The following ZKSCAN8 variants were observed in gnomAD, a reference collection of about 807,000 sequenced individuals.
ZKSCAN8 encodes zinc finger protein with KRAB and SCAN domains 8.
In ZKSCAN8, 27 loss-of-function variants were observed where a neutral mutation model predicts 57.2. The observed-to-expected ratio is 0.47, with a 90% confidence interval of 0.35 to 0.65. The LOEUF (loss-of-function observed/expected upper bound fraction) is 0.65, where lower values mean the gene tolerates loss of function less well. ZKSCAN8 is among the 30% of genes least tolerant of loss of function. The pLI is 0.01. For synonymous variants in ZKSCAN8, 214 were observed against 248.7 expected (o/e 0.86, Z 1.31); for missense variants, 597 against 696.3 (o/e 0.86, Z 1.60).
chr6:28,149,310 T>C (rs1306547497), intron 2 of ZKSCAN8, among the ~76,000 whole-genome samples, 173 bp from the exon 3 acceptor site: 1 of 152,202 alleles, frequency 6.6e-6, no homozygotes, highest in Non-Finnish European at 1.5e-5. Context: ...ATGATGCCTT[T>C]CTTTCTGTGC....
intron 5 of ZKSCAN8, 107 bp from the exon 6 acceptor site, chr6:28,152,949 C>G (rs1472087316): frequency 1.4e-6 from 2 of 1,473,158 alleles, no homozygotes; most frequent in Non-Finnish European, 1.8e-6. Flanking sequence ...TTACTTATAG[C>G]TGTTCATGTG....
At chr6:28,143,060 A>G (rs1765269193) in intron 1 of ZKSCAN8, among the ~76,000 whole-genome samples, 1 of 152,232 alleles carries the variant, frequency 6.6e-6, no homozygotes, top group Non-Finnish European at 1.5e-5. Context: ...GGATTACAGT[A>G]TTTAAAATCC....
chr6:28,158,306 A>G lies in ZKSCAN8; in HGVS notation c.*4289A>G, dbSNP rs954838324. On this transcript the variant is annotated 3_prime_UTR_variant, in exon 6 of 6. Transcript: ENST00000330236. ...CTGTCTTTTATTCACTTCATTTTCTATACTCCTATTTATCCATTTTGATTG... is the reference window on the plus strand; with the variant it reads ...CTGTCTTTTATTCACTTCATTTTCTGTACTCCTATTTATCCATTTTGATTG... 6 of 151,174 alleles carry G rather than the reference A, an allele frequency of 4.0e-5. No individual in the cohort carries two copies. The highest frequency in any genetic ancestry group is 1.9e-4 in the East Asian group (1 of 5,136). The allele number at this position is 151,174 out of a possible 1,614,324, so 9.4% of individuals were successfully genotyped here. A position where few individuals can be genotyped will look rare whatever the true frequency, so the allele number is the denominator to read the frequency against.
chr6:28,145,192 A>G (rs903262341), intron 1 of ZKSCAN8, among the ~76,000 whole-genome samples: 2 of 152,170 alleles, frequency 1.3e-5, no homozygotes, highest in African/African-American at 4.8e-5. Flanking sequence ...TCTATGTACA[A>G]GATAATAGTA....
intron 1 of ZKSCAN8, among the ~76,000 whole-genome samples, chr6:28,147,549 C>T (rs1304010934): frequency 6.6e-6 from 1 of 152,086 alleles, no homozygotes; most frequent in Admixed American, 6.5e-5. Context: ...TGGCTTTATT[C>T]ATAGTGATTA....
intron 2 of ZKSCAN8, 127 bp from the exon 3 acceptor site, chr6:28,149,356 A>G: frequency 1.6e-6 from 2 of 1,235,312 alleles, no homozygotes; most frequent in Non-Finnish European, 2.3e-6. Flanking sequence ...GTCCCTAAGA[A>G]GTGAGGAAGA....
intron 3 of ZKSCAN8, 37 bp downstream of exon 3, chr6:28,149,661 A>C (rs775144878): frequency 9.9e-6 from 16 of 1,610,664 alleles, no homozygotes; most frequent in Admixed American, 5.0e-5. Flanking sequence ...AAGGGGGGGA[A>C]GTACAAATAA....
Position 28,144,766 on chromosome 6 carries a change from A to AATG in ZKSCAN8, c.-93+2740_-93+2742dup, listed in dbSNP as rs771573505. On this transcript the variant is annotated intron_variant, in intron 1 of 5. Coordinates refer to ENST00000330236, the MANE Select transcript of ZKSCAN8 (RefSeq NM_006298.4). The surrounding 1 kb of genome is among the most constrained non-coding windows in gnomAD (Gnocchi z 4.5). ...ATAGATAAATTAGAGTTAAGAGTTGAATGATTTTAGGCCGGGCACAGTGGC... is the reference window on the plus strand; with the variant it reads ...ATAGATAAATTAGAGTTAAGAGTTGAATGATGATTTTAGGCCGGGCACAGTGGC... Among the ~76,000 whole-genome samples the AATG allele has an allele frequency of 6.6e-6, 1 of 152,208 alleles. No individual in the cohort carries two copies. Among genetic ancestry groups the AATG allele is most frequent in the Non-Finnish European group, 1.5e-5 (1 of 68,040 alleles).
rs200133233 is a variant in ZKSCAN8, at chr6:28,153,650, C to A, written c.1370C>A (p.Thr457Asn). ...SHLIGHQRIH[T>N]GEKPYECDEC... ...CTCATTGGACATCAGAGAATCCACA[C>A]TGGGGAGAAGCCCTATGAGTGTGAT... The change falls in exon 6 of 6, where the codon ACT becomes AAT. Residue 457 changes from threonine to asparagine, a missense_variant. By Grantham distance (65) the Thr-to-Asn change is moderately conservative. Coordinates refer to ENST00000330236, the MANE Select transcript of ZKSCAN8 (RefSeq NM_006298.4). 6.2e-7 allele frequency: 1 copy of A among 1,613,616 alleles called. No individual in the cohort carries two copies. Among genetic ancestry groups the A allele is most frequent in the Non-Finnish European group, 8.5e-7 (1 of 1,179,910 alleles).
At position 28,157,853 on chromosome 6, in the gene ZKSCAN8, C is replaced by T. The variant is rs1387116624; in HGVS notation, c.*3836C>T. 1 of 152,048 alleles carries T rather than the reference C, an allele frequency of 6.6e-6. No individual in the cohort carries two copies. The allele number at this position is 152,048 out of a possible 1,614,324, so 9.4% of individuals were successfully genotyped here. On this transcript the variant is annotated 3_prime_UTR_variant, in exon 6 of 6. Transcript: ENST00000330236. ...TGGAGGGAAATGAAATATCCATGTA[C>T]CAGGCCAGGCAGATGGTCAGTTAGG... is the stretch of plus-strand genomic sequence containing the variant.
chr6:28,143,588 A>G (rs1225298384), intron 1 of ZKSCAN8, among the ~76,000 whole-genome samples: 2 of 152,114 alleles, frequency 1.3e-5, no homozygotes, highest in African/African-American at 4.8e-5. Context: ...AATAATAATA[A>G]TAATATTTTA....
At chr6:28,141,643 G>A (rs1466738108), upstream of ZKSCAN8, among the ~76,000 whole-genome samples, 1 of 152,230 alleles carries the variant, frequency 6.6e-6, no homozygotes, top group African/African-American at 2.4e-5. Context: ...GCGCGGAGCT[G>A]CATGGGCACA....
intron 1 of ZKSCAN8, among the ~76,000 whole-genome samples, chr6:28,142,902 T>G (rs1261421924): frequency 6.6e-6 from 1 of 152,262 alleles, no homozygotes; most frequent in Non-Finnish European, 1.5e-5. Flanking sequence ...TTCTTGGATT[T>G]TAAATCCTGG....
rs1561827823 is a variant in ZKSCAN8, at chr6:28,158,058, C to T, written c.*4041C>T. ...AAACTTCTTTTTACTGGCTTTCATA[C>T]TTAGCATTCCAGTGAAATGTTCTTA... On this transcript the variant is annotated 3_prime_UTR_variant, in exon 6 of 6. Transcript: ENST00000330236. 1 of 152,076 alleles carries T rather than the reference C, an allele frequency of 6.6e-6. No homozygotes were observed. The highest frequency in any genetic ancestry group is 1.5e-5 in the Non-Finnish European group (1 of 67,996). The allele number at this position is 152,076 out of a possible 1,614,324, so 9.4% of individuals were successfully genotyped here. A position where few individuals can be genotyped will look rare whatever the true frequency, so the allele number is the denominator to read the frequency against.
chr6:28,143,800 T>G (rs574416026), intron 1 of ZKSCAN8, among the ~76,000 whole-genome samples: 3 of 152,312 alleles, frequency 2.0e-5, no homozygotes, highest in Admixed American at 1.3e-4. Flanking sequence ...TTAAGAAAAT[T>G]TAAGAGTTTG....
Position 28,152,281 on chromosome 6 carries a change from C to T in ZKSCAN8, c.672C>T (p.Asp224=), listed in dbSNP as rs139711519. ...AGFQTLEKIE[D]MAVSLIREEW... ...TTCAGACTTTGGAGAAGATTGAAGA[C>T]ATGGCTGTGTCCCTTATTCGAGAGG... The change falls in exon 5 of 6, where the codon GAC becomes GAT. Residue 224 remains aspartate (D), a synonymous_variant. Transcript: ENST00000330236. 6.2e-7 allele frequency: 1 copy of T among 1,611,856 alleles called. No individual in the cohort carries two copies. Among genetic ancestry groups the T allele is most frequent in the African/African-American group, 1.3e-5 (1 of 74,788 alleles).
Position 28,157,988 on chromosome 6 carries a change from A to G in ZKSCAN8, c.*3971A>G, listed in dbSNP as rs139550654. On this transcript the variant is annotated 3_prime_UTR_variant, in exon 6 of 6. Coordinates refer to ENST00000330236, the MANE Select transcript of ZKSCAN8 (RefSeq NM_006298.4). ...CTCTATTGTTCATGGTTTTTCAAAC[A>G]TATCTTTGATTTTTCAACCCCCCTT... 2 of 152,228 alleles carry G rather than the reference A, an allele frequency of 1.3e-5. No homozygotes were observed. The highest frequency in any genetic ancestry group is 1.9e-4 in the East Asian group (1 of 5,176). 9.4% of individuals were successfully genotyped at this position (152,228 alleles called of 1,614,324 possible).
chr6:28,157,208 A>G lies in ZKSCAN8; in HGVS notation c.*3191A>G, dbSNP rs1275784722. 2.0e-5 allele frequency: 3 copies of G among 152,038 alleles called. No homozygotes were observed. Among genetic ancestry groups the G allele is most frequent in the Non-Finnish European group, 4.4e-5 (3 of 68,048 alleles). 9.4% of individuals were successfully genotyped at this position (152,038 alleles called of 1,614,324 possible). On this transcript the variant is annotated 3_prime_UTR_variant, in exon 6 of 6. Coordinates refer to ENST00000330236, the MANE Select transcript of ZKSCAN8 (RefSeq NM_006298.4). ...GCAAAGAGAGAACTTGTGCAGGGGA[A>G]CTCTTTATAAAACCGTCCGATCTTG...
intron 1 of ZKSCAN8, among the ~76,000 whole-genome samples, chr6:28,142,626 A>G (rs1016402277): frequency 4.0e-5 from 6 of 151,858 alleles, no homozygotes; most frequent in African/African-American, 1.5e-4. Flanking sequence ...CCAACGAGGA[A>G]CTCTGGGAGG....
Sources: allele counts gnomAD v4.1 joint callset (sites outside exome capture counted in the v4.1 genomes callset), GRCh38; gene constraint gnomAD v4.1.1; non-coding constraint Gnocchi (gnomAD v3.1); transcripts MANE v1.5; gene names NCBI Gene and HGNC (gene_info 2026-07-23, HGNC 2026-07-21).